GLRA2: variants seen among roughly 807,000 people sequenced by gnomAD.
GLRA2 encodes the protein glycine receptor alpha 2.
Under a neutral mutation model 31.6 loss-of-function variants are expected in GLRA2, and 11 were observed. The observed-to-expected ratio is 0.35, with a 90% CI of 0.22 to 0.58. The LOEUF (loss-of-function observed/expected upper bound fraction) is 0.58. GLRA2 is among the 20% of genes least tolerant of loss of function. The pLI is 0.84. For missense variants in GLRA2, 212 were observed against 351.8 expected (o/e 0.60, Z 3.18); for synonymous variants, 132 against 134.0 (o/e 0.99, Z 0.10).
At chrX:14,482,485 G>A in the GLRA2 span, among the ~76,000 whole-genome samples, 1 of 110,978 alleles carries the variant, frequency 9.0e-6, no homozygotes, top group Non-Finnish European at 1.9e-5. Flanking sequence ...CCAACTTTAA[G>A]TCAACCCTGG....
the GLRA2 span, among the ~76,000 whole-genome samples, chrX:14,492,910 G>A: frequency 4.5e-5 from 5 of 111,480 alleles, no homozygotes; most frequent in South Asian, 1.1e-3. Flanking sequence ...CTTGCAAAAT[G>A]TGCCTTGTTG....
chrX:14,677,804 T>C (rs2091159605), intron 7 of GLRA2, among the ~76,000 whole-genome samples: 1 of 112,522 alleles, frequency 8.9e-6, no homozygotes. Context: ...CACTGCTGAA[T>C]GTTCTTCAGA....
chrX:14,558,644 TGCTG>T (rs2089683186), intron 2 of GLRA2, among the ~76,000 whole-genome samples: 1 of 111,461 alleles, frequency 9.0e-6, no homozygotes, highest in Non-Finnish European at 1.9e-5. Flanking sequence ...TATAGAAACT[TGCTG>T]GCATTCTCAA....
chrX:14,511,975 A>T, the GLRA2 span, among the ~76,000 whole-genome samples: 4 of 111,726 alleles, frequency 3.6e-5, no homozygotes, highest in Non-Finnish European at 7.5e-5. Context: ...TGAATGTTCC[A>T]ATTAATACCA....
intron 4 of GLRA2, among the ~76,000 whole-genome samples, chrX:14,589,197 A>C (rs1158636497): frequency 9.0e-6 from 1 of 110,633 alleles, no homozygotes; most frequent in Non-Finnish European, 1.9e-5. Context: ...ATCCAGTATA[A>C]CGTTGACTGT....
intron 7 of GLRA2, among the ~76,000 whole-genome samples, chrX:14,647,659 G>T (rs750881606): frequency 4.5e-4 from 51 of 112,242 alleles, no homozygotes; most frequent in African/African-American, 1.6e-3. Context: ...AAAGATGGAT[G>T]GATATTTGTG....
the GLRA2 span, among the ~76,000 whole-genome samples, chrX:14,459,746 G>A: frequency 1.8e-5 from 2 of 111,986 alleles, no homozygotes; most frequent in African/African-American, 6.5e-5. Flanking sequence ...TGCTGAAGTT[G>A]CTTATCAGCT....
chrX:14,573,107 T>C (rs2089905799), intron 2 of GLRA2, among the ~76,000 whole-genome samples: 2 of 111,894 alleles, frequency 1.8e-5, no homozygotes, highest in South Asian at 7.5e-4. Context: ...ACTGTTTCAT[T>C]AAAAATAGAA....
At chrX:14,526,224 A>C (rs1439267825), upstream of GLRA2, among the ~76,000 whole-genome samples, 1 of 112,748 alleles carries the variant, frequency 8.9e-6, no homozygotes. Context: ...AAAGACCAAT[A>C]TGGCTACAGG....
chrX:14,625,396 C>T lies in GLRA2; in HGVS notation c.930+16191C>T, dbSNP rs1034928609. Among the ~76,000 whole-genome samples the T allele has an allele frequency of 9.0e-5, 10 of 111,188 alleles. No individual in the cohort carries two copies. In the Admixed American group the frequency reaches 9.6e-4, roughly 11 times the overall value. ...TGAATTTGATCCTGTCATTATGATG[C>T]TAGCTGGTTATTTTGCTCGTTAGTT... On this transcript the variant is annotated intron_variant, in intron 7 of 8. Transcript: ENST00000218075.
rs1387872151 is a variant in GLRA2, at chrX:14,583,581, T to C, written c.494+2175T>C. ...GTGAAACCCCGTCTCTACTAAAAAA[T>C]ATAAAAAATTAGCCGGGCATGGTGG... On this transcript the variant is annotated intron_variant, in intron 4 of 8. Transcript: ENST00000218075. Among the ~76,000 whole-genome samples, 8 of 110,850 alleles carry C rather than the reference T, an allele frequency of 7.2e-5. No homozygotes were observed. In the Admixed American group the frequency reaches 7.7e-4, roughly 11 times the overall value.
At chrX:14,687,592 G>A (rs917746811) in intron 7 of GLRA2, among the ~76,000 whole-genome samples, 4 of 111,710 alleles carry the variant, frequency 3.6e-5, no homozygotes, top group Non-Finnish European at 7.5e-5. Context: ...CCAGTTGATC[G>A]AATCGGCTAC....
Position 14,538,107 on chromosome X carries a change from T to C in GLRA2, c.202+5735T>C, listed in dbSNP as rs377003522. ...CATTCTAATGCACCCTGGTAAAGCATATTGCAATAAGTTTGTCAGCATGTC... is the reference window on the plus strand; with the variant it reads ...CATTCTAATGCACCCTGGTAAAGCACATTGCAATAAGTTTGTCAGCATGTC... On this transcript the variant is annotated intron_variant, in intron 2 of 8. Transcript: ENST00000218075. Among the ~76,000 whole-genome samples, 6 of 110,030 alleles carry C rather than the reference T, an allele frequency of 5.5e-5. 1 individual carries two copies. The highest frequency in any genetic ancestry group is 5.8e-4 in the East Asian group (2 of 3,449).
the GLRA2 span, among the ~76,000 whole-genome samples, chrX:14,467,804 G>GA: frequency 6.4e-5 from 7 of 110,231 alleles, no homozygotes; most frequent in South Asian, 2.7e-3. Context: ...ACCTCCTGAA[G>GA]TGTGATATAA....
At position 14,730,546 on chromosome X, in the gene GLRA2, A is replaced by T. The variant is rs1198027872; in HGVS notation, c.*61A>T. The T allele has an allele frequency of 1.7e-6, 1 of 598,693 alleles. No individual in the cohort carries two copies. The highest frequency in any genetic ancestry group is 2.9e-5 in the Admixed American group (1 of 35,052). 49.3% of individuals were successfully genotyped at this position (598,693 alleles called of 1,213,427 possible). ...GTGTTGTGCTTGTAAATACACAGTG[A>T]AATTGTCTTTATATCACTTTGACAG... On this transcript the variant is annotated 3_prime_UTR_variant, in exon 9 of 9. Coordinates refer to ENST00000218075, the MANE Select transcript of GLRA2 (RefSeq NM_002063.4).
the GLRA2 span, among the ~76,000 whole-genome samples, chrX:14,514,748 A>G: frequency 9.0e-6 from 1 of 111,185 alleles, no homozygotes; most frequent in African/African-American, 3.3e-5. Context: ...GGCCCCTTCA[A>G]CTTTTTACTC....
At chrX:14,674,600 A>C (rs946857584) in intron 7 of GLRA2, among the ~76,000 whole-genome samples, 1 of 112,068 alleles carries the variant, frequency 8.9e-6, no homozygotes, top group Non-Finnish European at 1.9e-5. Flanking sequence ...AGAAATCAAG[A>C]TTCAAAAAGG....
chrX:14,684,829 C>T (rs2091257710), intron 7 of GLRA2, among the ~76,000 whole-genome samples: 1 of 111,075 alleles, frequency 9.0e-6, no homozygotes, highest in South Asian at 3.9e-4. Flanking sequence ...CCTGATTGCC[C>T]TGGCCAGAAC....
intron 2 of GLRA2, among the ~76,000 whole-genome samples, chrX:14,553,513 T>A (rs1156568259): frequency 8.9e-6 from 1 of 111,816 alleles, no homozygotes; most frequent in Non-Finnish European, 1.9e-5. Flanking sequence ...CCTTGATAGA[T>A]GATGGCTTTT....
Sources: gnomAD v4.1 joint callset for allele counts (sites outside exome capture counted in the v4.1 genomes callset) on GRCh38, gnomAD v4.1.1 for gene constraint, MANE v1.5 for transcripts, NCBI Gene and HGNC (gene_info 2026-07-23, HGNC 2026-07-21) for gene names.